Variants in GOLGA7B observed in about 807,000 individuals in gnomAD.
The protein encoded by GOLGA7B is golgin subfamily A member 7B.
Under a neutral mutation model 21.5 loss-of-function variants are expected in GOLGA7B, and 17 were observed. The observed-to-expected ratio is 0.79, with a 90% CI of 0.54 to 1.19. GOLGA7B has a LOEUF of 1.19. Among genes scored for constraint, GOLGA7B ranks in the 50% most tolerant of loss-of-function variants. The pLI is 0.00. For synonymous variants in GOLGA7B, 87 were observed against 84.0 expected (o/e 1.04, Z -0.19); for missense variants, 169 against 224.4 (o/e 0.75, Z 1.58).
At chr10:97,859,323 C>CT in intron 1 of GOLGA7B, 135 bp from the exon 2 acceptor site, 1 of 855,920 alleles carries the variant, frequency 1.2e-6, no homozygotes, top group African/African-American at 1.7e-5. Flanking sequence ...CTGTAGAGTG[C>CT]CCAGCTTGTC....
chr10:97,856,336 GT>G (rs1157339559), intron 1 of GOLGA7B, among the ~76,000 whole-genome samples: 1 of 152,076 alleles, frequency 6.6e-6, no homozygotes, highest in Non-Finnish European at 1.5e-5. Flanking sequence ...GTGGTATTTG[GT>G]TTTCTGTTTC....
rs946424100 is a variant in GOLGA7B at position 97,868,236 on chromosome 10, A to G, written c.*2536A>G. The G allele has an allele frequency of 1.3e-5, 2 of 152,262 alleles. No homozygotes were observed. Among genetic ancestry groups the G allele is most frequent in the African/African-American group, 4.8e-5 (2 of 41,454 alleles). The allele number at this position is 152,262 out of a possible 1,614,324, so 9.4% of individuals were successfully genotyped here. ...ATGTGCCAGATACTTTGCTGAAACC[A>G]TATGTTAGAGCTGGCAGGGGATTTA... On this transcript the variant is annotated 3_prime_UTR_variant, in exon 5 of 5. Transcript: ENST00000370602.
rs1439162021 is a variant in GOLGA7B at position 97,849,950 on chromosome 10, T to TC, written c.-349dup. Among the ~76,000 whole-genome samples, 53 of 146,452 alleles carry TC rather than the reference T, an allele frequency of 3.6e-4. No homozygotes were observed. Among genetic ancestry groups the TC allele is most frequent in the Admixed American group, 1.6e-3 (23 of 14,806 alleles). ...GCCAGCGGCGGCTCCTGGCCCCTCC[T>TC]CCCCCGGCCGCCCCCATCCCCGCCG... On this transcript the variant is annotated 5_prime_UTR_variant, in exon 1 of 5. Coordinates refer to ENST00000370602, the MANE Select transcript of GOLGA7B (RefSeq NM_001010917.3).
At chr10:97,853,173 G>T (rs1054926638) in intron 1 of GOLGA7B, among the ~76,000 whole-genome samples, 2 of 152,164 alleles carry the variant, frequency 1.3e-5, no homozygotes, top group African/African-American at 4.8e-5. Context: ...AAGAAGGGAG[G>T]TCTTGTGGCT....
At chr10:97,864,346 C>T (rs1051562848) in intron 4 of GOLGA7B, 77 bp downstream of exon 4, 28 of 1,253,532 alleles carry the variant, frequency 2.2e-5, no homozygotes, top group African/African-American at 8.9e-5. Context: ...TGCCAGGAAA[C>T]GAGGCCACCT....
Position 97,865,657 on chromosome 10 carries a change from G to A in GOLGA7B, c.461G>A (p.Ser154Asn). ...GSSSSGSSSG[S>N]GSSSGGGGGA... ...TCCAGCAGCGGCAGCAGCAGCGGCA[G>A]TGGCAGCAGCAGCGGTGGGGGTGGT... The change falls in exon 5 of 5, where the codon AGT becomes AAT. Residue 154 changes from serine (S) to asparagine (N), a missense_variant. By Grantham distance (46) the Ser-to-Asn change is conservative (BLOSUM62 1). Coordinates refer to ENST00000370602, the MANE Select transcript of GOLGA7B (RefSeq NM_001010917.3). 6.2e-7 allele frequency: 1 copy of A among 1,611,556 alleles called. No homozygotes were observed. The highest frequency in any genetic ancestry group is 2.2e-5 in the East Asian group (1 of 44,766).
At chr10:97,861,553 C>T (rs923639770) in intron 2 of GOLGA7B, among the ~76,000 whole-genome samples, 3 of 152,360 alleles carry the variant, frequency 2.0e-5, no homozygotes, top group Admixed American at 6.5e-5. Flanking sequence ...ACTCATGGAC[C>T]TCAGGCTGCT....
chr10:97,850,812 G>T (rs2049900908), intron 1 of GOLGA7B, among the ~76,000 whole-genome samples: 1 of 151,994 alleles, frequency 6.6e-6, no homozygotes, highest in African/African-American at 2.4e-5. Context: ...CCAAATGGTT[G>T]GTCTCCACTT....
At position 97,863,334 on chromosome 10, in the gene GOLGA7B, C is replaced by T. The variant is rs2049983487; in HGVS notation, c.139-596C>T. On this transcript the variant is annotated intron_variant, in intron 2 of 4. Transcript: ENST00000370602. ...ACAGAAAGTGCTTAATACATATTAG[C>T]CATTCCTATTATGGATACGGGCAGG... is the stretch of plus-strand genomic sequence containing the variant. Among the ~76,000 whole-genome samples, 4 of 152,222 alleles carry T rather than the reference C, an allele frequency of 2.6e-5. No homozygotes were observed. The South Asian group carries it at 8.3e-4, about 32-fold the overall frequency.
At chr10:97,863,550 G>A (rs1289980268) in intron 2 of GOLGA7B, among the ~76,000 whole-genome samples, 1 of 152,204 alleles carries the variant, frequency 6.6e-6, no homozygotes, top group Non-Finnish European at 1.5e-5. Flanking sequence ...GATGGGACGT[G>A]TCAAAGTCAC....
Position 97,852,273 on chromosome 10 carries a change from G to A in GOLGA7B, c.12+1958G>A, listed in dbSNP as rs75791805. Among the ~76,000 whole-genome samples, 13 of 152,302 alleles carry A rather than the reference G, an allele frequency of 8.5e-5. No individual in the cohort carries two copies. In the South Asian group the frequency reaches 1.2e-3, roughly 15 times the overall value. On this transcript the variant is annotated intron_variant, in intron 1 of 4. Transcript: ENST00000370602. ...AGAGGAGGGCCCTCCAGGTCTTGAT[G>A]TGAAGCTTTGGTGGAGAGAGGGATG...
chr10:97,861,645 G>C (rs539638804), intron 2 of GOLGA7B, among the ~76,000 whole-genome samples: 1 of 152,370 alleles, frequency 6.6e-6, no homozygotes, highest in East Asian at 1.9e-4. Context: ...AGTGGGCCTG[G>C]GACTGGGGAA....
intron 2 of GOLGA7B, among the ~76,000 whole-genome samples, chr10:97,860,128 G>A (rs779136823): frequency 1.3e-5 from 2 of 152,158 alleles, no homozygotes; most frequent in African/African-American, 2.4e-5. Flanking sequence ...AATCATGATT[G>A]TTTAAACTTT....
At chr10:97,860,006 G>A (rs2049960469) in intron 2 of GOLGA7B, among the ~76,000 whole-genome samples, 1 of 152,172 alleles carries the variant, frequency 6.6e-6, no homozygotes, top group Admixed American at 6.5e-5. Flanking sequence ...TTCCTGGGGA[G>A]CTTAAAAAAT....
chr10:97,871,210 C>T lies in GOLGA7B; in HGVS notation c.*5510C>T, dbSNP rs994301093. The T allele has an allele frequency of 2.0e-5, 3 of 152,224 alleles. No homozygotes were observed. The highest frequency in any genetic ancestry group is 7.2e-5 in the African/African-American group (3 of 41,468). 9.4% of individuals were successfully genotyped at this position (152,224 alleles called of 1,614,324 possible). A position where few individuals can be genotyped will look rare whatever the true frequency, so the allele number is the denominator to read the frequency against. Reference sequence around the variant, plus strand: ...TTCAAAGGGCCTGTCATTTCAGCATCTGCTGGACAGCAGAACTTCGCATGC... The same window carrying T: ...TTCAAAGGGCCTGTCATTTCAGCATTTGCTGGACAGCAGAACTTCGCATGC... On this transcript the variant is annotated 3_prime_UTR_variant, in exon 5 of 5. Transcript: ENST00000370602.
At position 97,869,153 on chromosome 10, in the gene GOLGA7B, T is replaced by A. The variant is rs377189425; in HGVS notation, c.*3453T>A. 3 of 152,250 alleles carry A rather than the reference T, an allele frequency of 2.0e-5. No individual in the cohort carries two copies. The highest frequency in any genetic ancestry group is 7.2e-5 in the African/African-American group (3 of 41,454). The allele number at this position is 152,250 out of a possible 1,614,324, so 9.4% of individuals were successfully genotyped here. On this transcript the variant is annotated 3_prime_UTR_variant, in exon 5 of 5. Transcript: ENST00000370602. ...GTCCTGGGATTAGGATCAGGCAGAT[T>A]CCCAGGGAAGGACTTGGAGCCATGC...
chr10:97,860,786 T>A (rs2049966595), intron 2 of GOLGA7B, among the ~76,000 whole-genome samples: 1 of 152,160 alleles, frequency 6.6e-6, no homozygotes, highest in East Asian at 1.9e-4. Flanking sequence ...CTGCTTCTCA[T>A]CCTTGGCTAC....
Position 97,864,006 on chromosome 10 carries a change from G to T in GOLGA7B, c.215G>T (p.Ser72Ile), listed in dbSNP as rs765840144. The change falls in exon 3 of 5, where the codon AGC becomes ATC. Residue 72 changes from serine to isoleucine, a missense_variant. Physicochemically the swap from Ser to Ile is moderately radical, Grantham distance 142. Transcript: ENST00000370602. ...GCAGAGGCTGAGAAGATTGGGGGCAGCTCCTACCTCGAGGGCTGCCTGGCC... is the reference window on the plus strand; with the variant it reads ...GCAGAGGCTGAGAAGATTGGGGGCATCTCCTACCTCGAGGGCTGCCTGGCC... ...FYAEAEKIGG[S>I]SYLEGCLACA... is the part of the protein sequence containing the mutation. 1 of 1,614,224 alleles carries T rather than the reference G, an allele frequency of 6.2e-7. No individual in the cohort carries two copies. Among genetic ancestry groups the T allele is most frequent in the Non-Finnish European group, 8.5e-7 (1 of 1,180,024 alleles).
intron 2 of GOLGA7B, among the ~76,000 whole-genome samples, chr10:97,860,300 T>G (rs2049962416): frequency 6.6e-6 from 1 of 152,230 alleles, no homozygotes; most frequent in Non-Finnish European, 1.5e-5. Flanking sequence ...ACTCTTTTAG[T>G]TATTTTAAAA....
Sources: gnomAD v4.1 joint callset for allele counts (sites outside exome capture counted in the v4.1 genomes callset) on GRCh38, gnomAD v4.1.1 for gene constraint, MANE v1.5 for transcripts, NCBI Gene and HGNC (gene_info 2026-07-23, HGNC 2026-07-21) for gene names.